MIGA1: variants seen among roughly 807,000 people sequenced by gnomAD.
MIGA1 encodes the protein mitoguardin 1.
Under a neutral mutation model 82.0 loss-of-function variants are expected in MIGA1, and 58 were observed. The observed-to-expected ratio is 0.71, with a 90% CI of 0.57 to 0.88. The LOEUF (loss-of-function observed/expected upper bound fraction) is 0.88, where lower values mean the gene tolerates loss of function less well. Ranked by LOEUF, MIGA1 falls within the 40% of genes least tolerant of loss-of-function variation. The pLI is 0.00. For missense variants in MIGA1, 751 were observed against 749.1 expected (o/e 1.00, Z -0.03); for synonymous variants, 249 against 253.6 (o/e 0.98, Z 0.17).
At chr1:77,788,431 C>T (rs1293754774) in intron 2 of MIGA1, among the ~76,000 whole-genome samples, 1 of 152,184 alleles carries the variant, frequency 6.6e-6, no homozygotes, top group Admixed American at 6.5e-5. Flanking sequence ...AACCACGGTG[C>T]CCAACCCTGT....
At position 77,815,102 on chromosome 1, in the gene MIGA1, T is replaced by C; in HGVS notation, c.772-6T>C. 6.5e-7 allele frequency: 1 copy of C among 1,544,738 alleles called. No homozygotes were observed. Among genetic ancestry groups the C allele is most frequent in the Non-Finnish European group, 8.8e-7 (1 of 1,139,686 alleles). On this transcript the variant is annotated splice_polypyrimidine_tract_variant and splice_region_variant and intron_variant, in intron 6 of 15. Coordinates refer to ENST00000370791, the MANE Select transcript of MIGA1 (RefSeq NM_198549.4). ...TTTGTTCTGTGTACTTTTTCTCTCCTTGTAGGATATTATTAGTACTGAATT... is the reference window on the plus strand; with the variant it reads ...TTTGTTCTGTGTACTTTTTCTCTCCCTGTAGGATATTATTAGTACTGAATT...
chr1:77,793,905 GC>G (rs1173170536), intron 2 of MIGA1, among the ~76,000 whole-genome samples: 1 of 148,878 alleles, frequency 6.7e-6, no homozygotes, highest in Non-Finnish European at 1.5e-5. Context: ...TCGTGCTTCA[GC>G]CTCCCAAGTG....
chr1:77,867,764 A>G (rs907468648), intron 14 of MIGA1, among the ~76,000 whole-genome samples: 6 of 152,328 alleles, frequency 3.9e-5, no homozygotes, highest in East Asian at 1.9e-4. Context: ...ATATTTTTCA[A>G]TCTTATAACT....
chr1:77,863,474 T>C (rs1685548023), intron 12 of MIGA1, among the ~76,000 whole-genome samples: 1 of 152,212 alleles, frequency 6.6e-6, no homozygotes, highest in Non-Finnish European at 1.5e-5. Context: ...GGCGTCTAAT[T>C]TGCTTACTCT....
intron 7 of MIGA1, among the ~76,000 whole-genome samples, chr1:77,828,689 T>C (rs1460152762): frequency 6.6e-6 from 1 of 152,200 alleles, no homozygotes; most frequent in Non-Finnish European, 1.5e-5. Flanking sequence ...TTTTAAAAAT[T>C]TGAAGCAGGG....
At chr1:77,856,234 G>A (rs1482755260) in intron 8 of MIGA1, among the ~76,000 whole-genome samples, 1 of 152,162 alleles carries the variant, frequency 6.6e-6, no homozygotes, top group Non-Finnish European at 1.5e-5. Context: ...TGCATCCCTG[G>A]TATGAAACCC....
Position 77,801,391 on chromosome 1 carries a change from G to A in MIGA1, c.256G>A (p.Val86Ile), listed in dbSNP as rs1324653495. 2 of 1,605,450 alleles carry A rather than the reference G, an allele frequency of 1.2e-6. No individual in the cohort carries two copies. The highest frequency in any genetic ancestry group is 1.8e-5 in the Admixed American group (1 of 56,906). ...GGTAACTGCAGTGAGTGCTATATCT[G>A]TAATTTTTCTGGCTCATCACTTTAA... Residue 86 changes from valine to isoleucine, a missense_variant, in exon 3 of 16, where the codon GTA becomes ATA. By Grantham distance (29) the Val-to-Ile change is conservative. This residue lies in a region of MIGA1 where 482 missense variants were observed against 439.4 expected (regional missense o/e 1.10). Coordinates refer to ENST00000370791, the MANE Select transcript of MIGA1 (RefSeq NM_198549.4).
intron 2 of MIGA1, among the ~76,000 whole-genome samples, chr1:77,800,590 A>G (rs1180074852): frequency 6.6e-6 from 1 of 152,208 alleles, no homozygotes; most frequent in Non-Finnish European, 1.5e-5. Flanking sequence ...CCCAAGAGAA[A>G]GTTAATCGCT....
Position 77,860,091 on chromosome 1 carries a change from A to C in MIGA1, c.1240A>C (p.Lys414Gln), listed in dbSNP as rs757263412. The stretch of plus-strand genomic sequence containing the variant: ...GATATTCCTCGCTGAGAGCGGAAGG[A>C]AAATTTTATCAGCTTTAATTGTGAA... Residue 414 changes from lysine to glutamine, a missense_variant, in exon 11 of 16, where the codon AAA (lysine) becomes CAA (glutamine). Transcript: ENST00000370791. 1 of 1,612,052 alleles carries C rather than the reference A, an allele frequency of 6.2e-7. No homozygotes were observed. The highest frequency in any genetic ancestry group is 1.3e-5 in the African/African-American group (1 of 74,854).
At chr1:77,849,272 C>T (rs999208498) in intron 8 of MIGA1, among the ~76,000 whole-genome samples, 12 of 152,100 alleles carry the variant, frequency 7.9e-5, no homozygotes, top group Non-Finnish European at 1.6e-4. Context: ...TGGTGCATGC[C>T]TGTAGTCCCA....
At chr1:77,800,245 T>C (rs1248400272) in intron 2 of MIGA1, among the ~76,000 whole-genome samples, 1 of 152,144 alleles carries the variant, frequency 6.6e-6, no homozygotes, top group African/African-American at 2.4e-5. Context: ...AAGGTGTGGA[T>C]TTCACCTACA....
chr1:77,846,504 A>C (rs1684846970), intron 8 of MIGA1, among the ~76,000 whole-genome samples: 1 of 151,838 alleles, frequency 6.6e-6, no homozygotes, highest in Non-Finnish European at 1.5e-5. Flanking sequence ...TATTTAAAAA[A>C]ATTTTTTTAA....
intron 12 of MIGA1, among the ~76,000 whole-genome samples, chr1:77,863,426 C>T (rs1278673840): frequency 6.6e-6 from 1 of 152,210 alleles, no homozygotes; most frequent in Admixed American, 6.5e-5. Context: ...TGGATATTTG[C>T]AGGATTATTT....
chr1:77,859,423 TC>T (rs753708461), intron 10 of MIGA1, 37 bp downstream of exon 10: 13 of 1,400,954 alleles, frequency 9.3e-6, no homozygotes, highest in Non-Finnish European at 1.2e-5. Flanking sequence ...ACCCAGCCAC[TC>T]ATCCCCACCC....
In MIGA1 at chr1:77,833,635, C is replaced by G. The variant is rs76506081; in HGVS notation, c.896-9672C>G. Among the ~76,000 whole-genome samples the G allele has an allele frequency of 2.6e-4, 40 of 152,332 alleles. No individual in the cohort carries two copies. The East Asian group carries it at 7.1e-3, about 27-fold the overall frequency. ...ACCTTTGTGCCAAGAAGAAGGTCCA[C>G]TTTCCTTCAGGAAGATGCAGGTCTA... On this transcript the variant is annotated intron_variant, in intron 7 of 15. Coordinates refer to ENST00000370791, the MANE Select transcript of MIGA1 (RefSeq NM_198549.4).
intron 8 of MIGA1, among the ~76,000 whole-genome samples, chr1:77,856,281 T>G (rs1410129655): frequency 6.6e-6 from 1 of 152,210 alleles, no homozygotes; most frequent in Non-Finnish European, 1.5e-5. Flanking sequence ...GATACGTTGT[T>G]GGATTCAATT....
intron 8 of MIGA1, among the ~76,000 whole-genome samples, chr1:77,846,320 AT>A (rs1235074572): frequency 5.9e-5 from 9 of 152,100 alleles, no homozygotes; most frequent in Non-Finnish European, 1.2e-4. Flanking sequence ...ATACCTTCCC[AT>A]TTTACTCCTA....
At chr1:77,803,085 A>C (rs1456442897) in intron 3 of MIGA1, among the ~76,000 whole-genome samples, 185 bp from the exon 4 acceptor site, 1 of 152,150 alleles carries the variant, frequency 6.6e-6, no homozygotes, top group African/African-American at 2.4e-5. Flanking sequence ...AAAAAAGATT[A>C]TATAAGATTA....
Position 77,866,341 on chromosome 1 carries a change from G to A in MIGA1, c.1513G>A (p.Val505Met), listed in dbSNP as rs1167903725. ...TCTTTTCTCTGCATGTATTTAGGCT[G>A]TGGCTTCAAGTTGTTGGTCGGTGCT... is the stretch of plus-strand genomic sequence containing the variant. Residue 505 changes from valine (V) to methionine (M), a missense_variant, in exon 14 of 16, where the codon GTG (valine) becomes ATG (methionine). Around this residue, in one of 3 missense-constraint regions of MIGA1, gnomAD observed 265 missense variants for 293.6 expected, o/e 0.90. Transcript: ENST00000370791. The A allele has an allele frequency of 6.2e-7, 1 of 1,613,988 alleles. No individual in the cohort carries two copies. The highest frequency in any genetic ancestry group is 8.5e-7 in the Non-Finnish European group (1 of 1,179,900).
Sources: allele counts gnomAD v4.1 joint callset (sites outside exome capture counted in the v4.1 genomes callset), GRCh38; gene constraint gnomAD v4.1.1; regional missense constraint gnomAD v4.1.1; transcripts MANE v1.5; gene names NCBI Gene and HGNC (gene_info 2026-07-23, HGNC 2026-07-21).